Variants in CNTNAP5 observed in about 807,000 individuals in gnomAD.
CNTNAP5 encodes contactin associated protein family member 5.
A neutral mutation model predicts 150.2 loss-of-function variants in CNTNAP5; 72 were observed. That is an observed-to-expected ratio of 0.48 (90% CI 0.40 to 0.58). The LOEUF (loss-of-function observed/expected upper bound fraction) is 0.58. Ranked by LOEUF, CNTNAP5 falls within the 20% of genes least tolerant of loss-of-function variation. The pLI, the probability that CNTNAP5 is intolerant of heterozygous loss-of-function variation, is 0.00. For synonymous variants in CNTNAP5, 672 were observed against 619.8 expected (o/e 1.08, Z -1.25); for missense variants, 1,636 against 1,626.2 (o/e 1.01, Z -0.10).
At chr2:124,765,868 A>G (rs1461119655) in intron 16 of CNTNAP5, among the ~76,000 whole-genome samples, 3 of 152,088 alleles carry the variant, frequency 2.0e-5, no homozygotes, top group African/African-American at 7.2e-5. Flanking sequence ...AGGCAGGAGA[A>G]TCTCTTGAAC....
At chr2:124,328,596 T>C (rs1217186320) in intron 3 of CNTNAP5, among the ~76,000 whole-genome samples, 2 of 152,120 alleles carry the variant, frequency 1.3e-5, no homozygotes, top group Admixed American at 6.6e-5. Flanking sequence ...CTCAAAGAAA[T>C]GCAAATGATA....
rs559807501 is a variant in CNTNAP5 at position 124,530,445 on chromosome 2, A to G, written c.1649+2989A>G. ...ACTTCCTTTTGAGGTGGTGCCTAAGACCCTGACACCTGCTTCCCAGTTTGC... is the reference window on the plus strand; with the variant it reads ...ACTTCCTTTTGAGGTGGTGCCTAAGGCCCTGACACCTGCTTCCCAGTTTGC... On this transcript the variant is annotated intron_variant, in intron 10 of 23. Coordinates refer to ENST00000682447, the MANE Select transcript of CNTNAP5 (RefSeq NM_001367498.1). Among the ~76,000 whole-genome samples, 201 of 152,302 alleles carry G rather than the reference A, an allele frequency of 1.3e-3. 1 individual carries two copies. The highest frequency in any genetic ancestry group is 4.6e-3 in the African/African-American group (191 of 41,576).
chr2:124,531,393 T>C (rs1695104962), intron 10 of CNTNAP5, among the ~76,000 whole-genome samples: 1 of 152,142 alleles, frequency 6.6e-6, no homozygotes, highest in African/African-American at 2.4e-5. Flanking sequence ...GGTTCTGGTT[T>C]GTGGCCCAGG....
At chr2:124,780,637 C>T (rs1681430545) in intron 17 of CNTNAP5, among the ~76,000 whole-genome samples, 1 of 152,206 alleles carries the variant, frequency 6.6e-6, no homozygotes, top group African/African-American at 2.4e-5. Context: ...CTATTATTTT[C>T]CCCCTGATCT....
At chr2:124,894,792 A>G (rs759676526) in intron 21 of CNTNAP5, among the ~76,000 whole-genome samples, 2 of 151,282 alleles carry the variant, frequency 1.3e-5, no homozygotes, top group Non-Finnish European at 2.9e-5. Context: ...GGATCAAGCA[A>G]TCCTCCTGCC....
In CNTNAP5 at chr2:124,543,223, T is replaced by C. The variant is rs553276020; in HGVS notation, c.1649+15767T>C. On this transcript the variant is annotated intron_variant, in intron 10 of 23. Transcript: ENST00000682447. ...ATCACAAAATTAGACAAGCAAACCA[T>C]AGCAATGTATTTGAGCAATGTAGTC... 3.3e-5 allele frequency among the ~76,000 whole-genome samples: 5 copies of C among 152,128 alleles called. No individual in the cohort carries two copies. In the East Asian group the frequency reaches 9.6e-4, roughly 29 times the overall value.
At chr2:124,857,012 T>A (rs1241182234) in intron 19 of CNTNAP5, among the ~76,000 whole-genome samples, 1 of 152,108 alleles carries the variant, frequency 6.6e-6, no homozygotes, top group Non-Finnish European at 1.5e-5. Context: ...AAAGCTGTCC[T>A]GGGGATCTGT....
chr2:124,604,982 G>A (rs922371659), intron 11 of CNTNAP5, among the ~76,000 whole-genome samples: 53 of 151,984 alleles, frequency 3.5e-4, no homozygotes, highest in African/African-American at 1.3e-3. Context: ...ATTTTTTTCT[G>A]AGAATTTTGG....
chr2:124,222,572 G>A (rs552449782), intron 2 of CNTNAP5, among the ~76,000 whole-genome samples: 26 of 152,076 alleles, frequency 1.7e-4, no homozygotes, highest in African/African-American at 4.6e-4. Context: ...CAAGAAAAGC[G>A]TGTATGCAAT....
At chr2:124,755,342 C>G (rs1480502297) in intron 14 of CNTNAP5, among the ~76,000 whole-genome samples, 2 of 152,104 alleles carry the variant, frequency 1.3e-5, no homozygotes, top group Non-Finnish European at 2.9e-5. Context: ...AAATAAAACT[C>G]AAAGTCATTA....
intron 17 of CNTNAP5, among the ~76,000 whole-genome samples, chr2:124,779,326 G>A (rs1010924287): frequency 2.6e-5 from 4 of 152,214 alleles, no homozygotes; most frequent in Admixed American, 2.0e-4. Flanking sequence ...CTGGGCTGAT[G>A]TTGGGCCTTT....
At chr2:124,658,378 C>T (rs1342420701) in intron 13 of CNTNAP5, among the ~76,000 whole-genome samples, 1 of 152,040 alleles carries the variant, frequency 6.6e-6, no homozygotes, top group East Asian at 1.9e-4. Context: ...GTGTCCTTTT[C>T]ACTCTGGCAC....
At chr2:124,522,801 T>A (rs541515647) in intron 8 of CNTNAP5, among the ~76,000 whole-genome samples, 1 of 152,326 alleles carries the variant, frequency 6.6e-6, no homozygotes, top group South Asian at 2.1e-4. Context: ...AGGCTCTCTG[T>A]CTCCTGGAAC....
rs370986086 is a variant in CNTNAP5, at chr2:124,746,883, A to T, written c.2078-346A>T. Among the ~76,000 whole-genome samples, 155 of 152,318 alleles carry T rather than the reference A, an allele frequency of 1.0e-3. 3 individuals carry two copies. The East Asian group carries it at 0.015, about 15-fold the overall frequency. Reference sequence around the variant, plus strand: ...TACGACACTGCCTCTCAGCATTGCCATTCATCAATATTTGACTATACAAAC... The same window carrying T: ...TACGACACTGCCTCTCAGCATTGCCTTTCATCAATATTTGACTATACAAAC... On this transcript the variant is annotated intron_variant, in intron 13 of 23. Coordinates refer to ENST00000682447, the MANE Select transcript of CNTNAP5 (RefSeq NM_001367498.1).
At chr2:124,216,897 A>G (rs1450621475) in intron 1 of CNTNAP5, among the ~76,000 whole-genome samples, 1 of 152,140 alleles carries the variant, frequency 6.6e-6, no homozygotes, top group African/African-American at 2.4e-5. Context: ...TCCTTTGGGT[A>G]TATACCCAGT....
intron 1 of CNTNAP5, among the ~76,000 whole-genome samples, chr2:124,146,480 A>AT (rs530328823): frequency 0.023 from 3,429 of 147,956 alleles, 72 homozygotes; most frequent in African/African-American, 0.061. Context: ...ATGTTCACAG[A>AT]TTTTTTTTTT....
At chr2:124,630,875 G>A (rs1171809402) in intron 12 of CNTNAP5, among the ~76,000 whole-genome samples, 4 of 152,146 alleles carry the variant, frequency 2.6e-5, no homozygotes, top group Non-Finnish European at 5.9e-5. Context: ...CTTCAGCAAA[G>A]TCTTGGGACA....
chr2:124,441,408 C>T (rs754716639), intron 5 of CNTNAP5, among the ~76,000 whole-genome samples: 2 of 151,948 alleles, frequency 1.3e-5, no homozygotes, highest in Non-Finnish European at 2.9e-5. Context: ...ATGATAAATG[C>T]ATTCTTCAGT....
intron 11 of CNTNAP5, among the ~76,000 whole-genome samples, chr2:124,588,433 G>A (rs760403955): frequency 7.9e-5 from 12 of 151,748 alleles, no homozygotes; most frequent in South Asian, 4.2e-4. Flanking sequence ...GCCAATTGTC[G>A]TCGGTCTGAG....
Sources: allele counts gnomAD v4.1 joint callset (sites outside exome capture counted in the v4.1 genomes callset), GRCh38; gene constraint gnomAD v4.1.1; transcripts MANE v1.5; gene names NCBI Gene and HGNC (gene_info 2026-07-23, HGNC 2026-07-21).